Variants in RAPGEF4 observed in about 807,000 individuals in gnomAD.
RAPGEF4 encodes the protein RAP guanine-nucleotide-exchange factor (GEF) 4.
A neutral mutation model predicts 147.9 loss-of-function variants in RAPGEF4; 66 were observed. The ratio of observed to expected loss-of-function variants is 0.45; its 90% confidence interval spans 0.37 to 0.55. The LOEUF (loss-of-function observed/expected upper bound fraction) is 0.55, where lower values mean the gene tolerates loss of function less well. Among genes scored for constraint, RAPGEF4 ranks in the 20% least tolerant of loss-of-function variants. The pLI is 0.00. For synonymous variants in RAPGEF4, 419 were observed against 442.7 expected (o/e 0.95, Z 0.67); for missense variants, 1,071 against 1,257.3 (o/e 0.85, Z 2.24).
chr2:172,932,175 AT>A (rs1686067989), intron 6 of RAPGEF4, among the ~76,000 whole-genome samples: 1 of 152,226 alleles, frequency 6.6e-6, no homozygotes, highest in Non-Finnish European at 1.5e-5. Context: ...AAAAGTGGAA[AT>A]ATTCGTAGTA....
intron 4 of RAPGEF4, among the ~76,000 whole-genome samples, chr2:172,863,994 G>A (rs1397545158): frequency 6.6e-6 from 1 of 152,146 alleles, no homozygotes; most frequent in Admixed American, 6.6e-5. Flanking sequence ...AAAATATTTT[G>A]AATGCTAGTG....
At chr2:172,772,959 A>G (rs764433107) in intron 1 of RAPGEF4, among the ~76,000 whole-genome samples, 4 of 152,008 alleles carry the variant, frequency 2.6e-5, no homozygotes, top group African/African-American at 4.8e-5. Flanking sequence ...GTCAGTAATC[A>G]CTCTTTGATC....
intron 3 of RAPGEF4, among the ~76,000 whole-genome samples, chr2:172,801,224 G>T (rs150363734): frequency 6.6e-6 from 1 of 152,142 alleles, no homozygotes; most frequent in African/African-American, 2.4e-5. Flanking sequence ...TCTGCTGGGC[G>T]CACTCATGAA....
At chr2:172,991,046 T>C (rs1045690375) in intron 15 of RAPGEF4, 121 bp downstream of exon 15, 2 of 719,532 alleles carry the variant, frequency 2.8e-6, no homozygotes, top group African/African-American at 1.8e-5. Context: ...GTGACTTTTT[T>C]CCTCTCTATT....
chr2:172,853,106 TTATAG>T (rs1159340852), intron 4 of RAPGEF4, among the ~76,000 whole-genome samples: 1 of 151,842 alleles, frequency 6.6e-6, no homozygotes, highest in African/African-American at 2.4e-5. Flanking sequence ...AATTTTTTTC[TTATAG>T]TATTTTTATT....
chr2:172,809,415 G>T (rs7584826), intron 3 of RAPGEF4, among the ~76,000 whole-genome samples: 48,107 of 152,046 alleles, frequency 0.32, 7,736 homozygotes, highest in East Asian at 0.45. Flanking sequence ...AGGGTACCCA[G>T]CAGGTTATCA....
At chr2:172,884,485 A>C (rs1696964088) in intron 4 of RAPGEF4, among the ~76,000 whole-genome samples, 1 of 152,140 alleles carries the variant, frequency 6.6e-6, no homozygotes, top group Admixed American at 6.5e-5. Flanking sequence ...ATCTGAGATC[A>C]CCTCCAGGCT....
intron 4 of RAPGEF4, chr2:172,821,761 A>AG (rs1689089139): frequency 1.8e-6 from 2 of 1,087,832 alleles, no homozygotes; most frequent in East Asian, 5.1e-5. Flanking sequence ...AAAAAAAAAA[A>AG]GGAAGTGTTT....
intron 23 of RAPGEF4, among the ~76,000 whole-genome samples, chr2:173,024,469 G>A (rs10930574): frequency 0.8 from 119,094 of 149,032 alleles, 50,556 homozygotes; most frequent in East Asian, 0.94. Flanking sequence ...CGCCCGCCTC[G>A]GCCTCCCAAA....
At chr2:172,817,575 G>A (rs981929153) in intron 4 of RAPGEF4, among the ~76,000 whole-genome samples, 7 of 152,092 alleles carry the variant, frequency 4.6e-5, no homozygotes, top group Non-Finnish European at 8.8e-5. Flanking sequence ...ATGTATTCAG[G>A]ATTCAGGCCA....
chr2:172,923,474 G>T (rs1413823664), intron 6 of RAPGEF4, among the ~76,000 whole-genome samples: 1 of 151,990 alleles, frequency 6.6e-6, no homozygotes, highest in Non-Finnish European at 1.5e-5. Flanking sequence ...TACCATGTTG[G>T]CCAGGCTGGT....
In RAPGEF4 at chr2:172,844,892, G is replaced by C. The variant is rs139711362; in HGVS notation, c.444+30467G>C. Among the ~76,000 whole-genome samples the C allele has an allele frequency of 1.4e-3, 215 of 152,256 alleles. 1 individual carries two copies. Among genetic ancestry groups the C allele is most frequent in the African/African-American group, 4.8e-3 (198 of 41,548 alleles). The stretch of plus-strand genomic sequence containing the variant: ...ATAGCTGATAATCCTAACTTTCAAC[G>C]TACAACATTGAGCAAATATGTATAT... On this transcript the variant is annotated intron_variant, in intron 4 of 30. Transcript: ENST00000397081.
intron 4 of RAPGEF4, among the ~76,000 whole-genome samples, chr2:172,851,362 G>A (rs1305489023): frequency 1.3e-5 from 2 of 152,046 alleles, no homozygotes; most frequent in African/African-American, 2.4e-5. Context: ...CCGATTGTGT[G>A]GTCAATTTTA....
chr2:172,827,653 T>C (rs2149657151), intron 4 of RAPGEF4, among the ~76,000 whole-genome samples: 1 of 152,302 alleles, frequency 6.6e-6, no homozygotes, highest in African/African-American at 2.4e-5. Flanking sequence ...TTCTGTGTCC[T>C]CAGGCAAGGT....
intron 1 of RAPGEF4, among the ~76,000 whole-genome samples, chr2:172,791,403 G>T (rs1263671937): frequency 6.6e-6 from 1 of 152,180 alleles, no homozygotes; most frequent in Non-Finnish European, 1.5e-5. Context: ...GGCACTGTAG[G>T]ATCGATAAAG....
intron 5 of RAPGEF4, among the ~76,000 whole-genome samples, chr2:172,921,969 G>A (rs1286282684): frequency 1.3e-5 from 2 of 152,174 alleles, no homozygotes; most frequent in East Asian, 1.9e-4. Context: ...TAAATCAGTG[G>A]AATTAGTTGT....
At chr2:173,048,420 G>A (rs1685769736) in intron 29 of RAPGEF4, 180 bp from the exon 30 acceptor site, 2 of 1,358,256 alleles carry the variant, frequency 1.5e-6, no homozygotes, top group Non-Finnish European at 1.9e-6. Context: ...ATGTATGTGG[G>A]TACCCCTTTG....
chr2:172,944,589 G>A (rs1449731257), intron 6 of RAPGEF4, among the ~76,000 whole-genome samples: 1 of 152,126 alleles, frequency 6.6e-6, no homozygotes, highest in Non-Finnish European at 1.5e-5. Context: ...GAAGCAGATG[G>A]GATTGAGATA....
intron 20 of RAPGEF4, 82 bp from the exon 21 acceptor site, chr2:173,017,344 G>C: frequency 6.7e-7 from 1 of 1,498,828 alleles, no homozygotes; most frequent in Non-Finnish European, 9.3e-7. Flanking sequence ...GACTCTGCTT[G>C]CTTCTCAGAT....
Sources: gnomAD v4.1 joint callset for allele counts (sites outside exome capture counted in the v4.1 genomes callset) on GRCh38, gnomAD v4.1.1 for gene constraint, MANE v1.5 for transcripts, NCBI Gene and HGNC (gene_info 2026-07-23, HGNC 2026-07-21) for gene names.